RGL1: variants seen among roughly 807,000 people sequenced by gnomAD.
RGL1 encodes ral guanine nucleotide dissociation stimulator like 1.
In RGL1, 24 loss-of-function variants were observed where a neutral mutation model predicts 95.2. The ratio of observed to expected loss-of-function variants is 0.25; its 90% CI spans 0.18 to 0.35. The LOEUF (loss-of-function observed/expected upper bound fraction) is 0.35. RGL1 is among the 10% of genes least tolerant of loss of function. The pLI, the probability that RGL1 is intolerant of heterozygous loss-of-function variation, is 1.00. For synonymous variants in RGL1, 329 were observed against 344.9 expected (o/e 0.95, Z 0.51); for missense variants, 715 against 936.3 (o/e 0.76, Z 3.08).
chr1:183,900,881 A>G (rs1174792324), intron 11 of RGL1, among the ~76,000 whole-genome samples: 1 of 151,640 alleles, frequency 6.6e-6, no homozygotes, highest in Non-Finnish European at 1.5e-5. Context: ...ACAAGACTTT[A>G]AGGCCGGGCG....
chr1:183,713,938 G>A (rs922960759), intron 1 of RGL1, among the ~76,000 whole-genome samples: 14 of 152,004 alleles, frequency 9.2e-5, no homozygotes, highest in Admixed American at 2.0e-4. Flanking sequence ...TGAATCAATC[G>A]AAAAAGGGCT....
rs1659860265 is a variant in RGL1 at position 183,780,745 on chromosome 1, C to T, written c.133-25630C>T. The stretch of plus-strand genomic sequence containing the variant: ...TGGACTCTTTTGAGTCTCAGTTTTG[C>T]CTTACCTCTTCATACTGTCTGGATA... On this transcript the variant is annotated intron_variant, in intron 2 of 18. Coordinates refer to the RGL1 transcript ENST00000304685. 3.3e-5 allele frequency among the ~76,000 whole-genome samples: 5 copies of T among 152,166 alleles called. No individual in the cohort carries two copies. The South Asian group carries it at 8.3e-4, about 25-fold the overall frequency.
intron 15 of RGL1, 126 bp downstream of exon 15, chr1:183,912,394 A>G (rs1011375818): frequency 1.0e-5 from 8 of 768,036 alleles, no homozygotes; most frequent in East Asian, 5.5e-5. Context: ...TGTTTTGAAC[A>G]GGCATCAAAA....
chr1:183,644,968 C>T (rs1246000173), intron 1 of RGL1, among the ~76,000 whole-genome samples: 1 of 152,094 alleles, frequency 6.6e-6, no homozygotes. Flanking sequence ...TCTCTTGTTG[C>T]CTAGACCCTC....
intron 2 of RGL1, among the ~76,000 whole-genome samples, chr1:183,771,717 G>C (rs1659282672): frequency 6.6e-6 from 1 of 152,182 alleles, no homozygotes. Flanking sequence ...ATGGTCCCTG[G>C]CTAGGGCTCC....
At chr1:183,750,339 G>A (rs1657913718) in intron 2 of RGL1, among the ~76,000 whole-genome samples, 1 of 151,914 alleles carries the variant, frequency 6.6e-6, no homozygotes, top group Admixed American at 6.5e-5. Context: ...CCTTTCTTCT[G>A]CTTTATTGAT....
chr1:183,750,182 G>T (rs948267427), intron 2 of RGL1, among the ~76,000 whole-genome samples: 1 of 152,080 alleles, frequency 6.6e-6, no homozygotes, highest in Non-Finnish European at 1.5e-5. Context: ...TCTCCCCATC[G>T]CTTTCAGGTA....
chr1:183,660,221 T>C (rs1651509832), intron 1 of RGL1, among the ~76,000 whole-genome samples: 2 of 152,190 alleles, frequency 1.3e-5, no homozygotes, highest in Non-Finnish European at 1.5e-5. Flanking sequence ...TAATTTTAAA[T>C]GTAAATGGAC....
At chr1:183,707,911 G>A (rs1257119503) in intron 1 of RGL1, among the ~76,000 whole-genome samples, 1 of 152,150 alleles carries the variant, frequency 6.6e-6, no homozygotes. Flanking sequence ...TCTGGGTGGT[G>A]AGAATGGAGG....
chr1:183,799,772 T>A (rs1660889660), intron 2 of RGL1, among the ~76,000 whole-genome samples: 1 of 152,240 alleles, frequency 6.6e-6, no homozygotes, highest in African/African-American at 2.4e-5. Context: ...ACAGTGTCCA[T>A]TATACTTTCA....
chr1:183,862,749 A>G (rs775323245), intron 3 of RGL1, among the ~76,000 whole-genome samples: 1 of 152,214 alleles, frequency 6.6e-6, no homozygotes, highest in Non-Finnish European at 1.5e-5. Context: ...AAACCCCAAT[A>G]GAGCACTAGC....
intron 7 of RGL1, among the ~76,000 whole-genome samples, chr1:183,886,330 G>A (rs927917636): frequency 6.6e-6 from 1 of 152,098 alleles, no homozygotes; most frequent in Non-Finnish European, 1.5e-5. Context: ...CAGCAAGTAA[G>A]AGATACAAAA....
At chr1:183,835,173 A>G (rs550821180) in intron 2 of RGL1, among the ~76,000 whole-genome samples, 163 of 150,808 alleles carry the variant, frequency 1.1e-3, no homozygotes, top group African/African-American at 3.9e-3. Context: ...ATTTGGACAA[A>G]TTGGATCTGT....
intron 1 of RGL1, among the ~76,000 whole-genome samples, chr1:183,675,153 T>C (rs1652731554): frequency 6.6e-6 from 1 of 152,206 alleles, no homozygotes; most frequent in Non-Finnish European, 1.5e-5. Flanking sequence ...CTTCTTTTAC[T>C]TACACAGGGC....
At chr1:183,859,410 G>A (rs1388152014) in intron 3 of RGL1, among the ~76,000 whole-genome samples, 1 of 152,100 alleles carries the variant, frequency 6.6e-6, no homozygotes, top group African/African-American at 2.4e-5. Context: ...TCCTTTTCTT[G>A]AACTCCTCTT....
At chr1:183,744,829 T>C (rs1657523923) in intron 2 of RGL1, among the ~76,000 whole-genome samples, 1 of 152,220 alleles carries the variant, frequency 6.6e-6, no homozygotes, top group Non-Finnish European at 1.5e-5. Flanking sequence ...TTTCTTTCAA[T>C]ACAATTGGCA....
chr1:183,752,143 G>C (rs985559366), intron 2 of RGL1, among the ~76,000 whole-genome samples: 1 of 152,084 alleles, frequency 6.6e-6, no homozygotes, highest in African/African-American at 2.4e-5. Context: ...TTTCCAAAAT[G>C]GTGGTACCAA....
At chr1:183,687,785 C>G (rs1380528715) in intron 1 of RGL1, among the ~76,000 whole-genome samples, 1 of 152,180 alleles carries the variant, frequency 6.6e-6, no homozygotes, top group Middle Eastern at 3.4e-3. Context: ...AAGAGGAACT[C>G]GATACCGGGC....
At chr1:183,793,893 A>G (rs964904206) in intron 2 of RGL1, among the ~76,000 whole-genome samples, 3 of 152,158 alleles carry the variant, frequency 2.0e-5, no homozygotes, top group Non-Finnish European at 2.9e-5. Context: ...CAATGTCACT[A>G]CTGGGTATTT....
Sources: gnomAD v4.1 joint callset for allele counts (sites outside exome capture counted in the v4.1 genomes callset) on GRCh38, gnomAD v4.1.1 for gene constraint, MANE v1.5 for transcripts, NCBI Gene and HGNC (gene_info 2026-07-23, HGNC 2026-07-21) for gene names.